The following IL1RAPL1 variants were observed in gnomAD, a reference collection of about 807,000 sequenced individuals.
IL1RAPL1 encodes the protein interleukin-1 receptor accessory protein-like 1.
In IL1RAPL1, 3 loss-of-function variants were observed where a neutral mutation model predicts 48.4. The ratio of observed to expected loss-of-function variants is 0.06; its 90% confidence interval spans 0.03 to 0.16. The LOEUF (loss-of-function observed/expected upper bound fraction) is 0.16, where lower values mean the gene tolerates loss of function less well. IL1RAPL1 is among the 10% of genes least tolerant of loss of function. The pLI is 1.00. For synonymous variants in IL1RAPL1, 185 were observed against 187.7 expected, an observed-to-expected ratio of 0.99 and a Z score of 0.12; for missense variants, 349 against 530.6, an observed-to-expected ratio of 0.66 and a Z score of 3.36.
chrX:29,696,790 T>C (rs1569148374), intron 6 of IL1RAPL1, among the ~76,000 whole-genome samples: 1 of 104,444 alleles, frequency 9.6e-6, no homozygotes, highest in Non-Finnish European at 2.0e-5. Context: ...AACAATCGCC[T>C]TTTTTTTTTT....
chrX:29,117,717 A>G (rs1471221518), intron 2 of IL1RAPL1, among the ~76,000 whole-genome samples: 1 of 111,688 alleles, frequency 9.0e-6, no homozygotes, highest in Non-Finnish European at 1.9e-5. Context: ...TTAATATAGC[A>G]TTTTATAACT....
intron 2 of IL1RAPL1, among the ~76,000 whole-genome samples, chrX:28,962,365 A>AT (rs1924802601): frequency 9.0e-6 from 1 of 111,390 alleles, no homozygotes; most frequent in African/African-American, 3.3e-5. Flanking sequence ...TGTTTAGCTT[A>AT]TTTTTCTGGC....
intron 1 of IL1RAPL1, among the ~76,000 whole-genome samples, chrX:28,595,184 C>A (rs916115328): frequency 8.9e-6 from 1 of 112,298 alleles, no homozygotes; most frequent in Admixed American, 9.5e-5. Context: ...ATAATGAAGA[C>A]AGTAATATTT....
chrX:28,953,377 AC>A (rs1402484556), intron 2 of IL1RAPL1, among the ~76,000 whole-genome samples: 2 of 111,675 alleles, frequency 1.8e-5, no homozygotes, highest in African/African-American at 6.5e-5. Context: ...CATTAAGATG[AC>A]CAAACCAGTA....
At chrX:29,455,402 G>C (rs765447443) in intron 5 of IL1RAPL1, among the ~76,000 whole-genome samples, 1 of 111,573 alleles carries the variant, frequency 9.0e-6, no homozygotes, top group African/African-American at 3.2e-5. Flanking sequence ...TTTTAAAAGA[G>C]GATTATTTTT....
intron 5 of IL1RAPL1, among the ~76,000 whole-genome samples, chrX:29,634,872 A>G (rs1461257629): frequency 1.8e-5 from 2 of 112,175 alleles, no homozygotes; most frequent in South Asian, 7.4e-4. Flanking sequence ...CTATTAGAAA[A>G]TAAAGGCTAT....
At chrX:29,327,291 A>G (rs1932849072) in intron 3 of IL1RAPL1, among the ~76,000 whole-genome samples, 1 of 110,628 alleles carries the variant, frequency 9.0e-6, no homozygotes, top group Non-Finnish European at 1.9e-5. Context: ...AATGAAACAT[A>G]TCACATAACC....
chrX:29,746,383 TA>T (rs1217372946), intron 6 of IL1RAPL1, among the ~76,000 whole-genome samples: 1 of 111,869 alleles, frequency 8.9e-6, no homozygotes, highest in Admixed American at 9.5e-5. Context: ...ATTTAATGAA[TA>T]ATTTTCTGAA....
chrX:29,474,789 C>T (rs1934956214), intron 5 of IL1RAPL1, among the ~76,000 whole-genome samples: 1 of 111,552 alleles, frequency 9.0e-6, no homozygotes, highest in Admixed American at 9.5e-5. Flanking sequence ...AATCATCTTT[C>T]AGCAGGCCCC....
chrX:29,457,082 C>T (rs767406051), intron 5 of IL1RAPL1, among the ~76,000 whole-genome samples: 1 of 109,771 alleles, frequency 9.1e-6, no homozygotes, highest in Non-Finnish European at 1.9e-5. Flanking sequence ...TGCAGTGAGC[C>T]GTGATTGCAC....
chrX:28,598,811 AGAGACGGG>A (rs201321623), intron 1 of IL1RAPL1, among the ~76,000 whole-genome samples: 1,548 of 108,967 alleles, frequency 0.014, 13 homozygotes, highest in South Asian at 0.042. Context: ...TATTTTTAGT[AGAGACGGG>A]GTTTCACCAT....
At chrX:28,845,797 G>C (rs1490641528) in intron 2 of IL1RAPL1, among the ~76,000 whole-genome samples, 2 of 111,630 alleles carry the variant, frequency 1.8e-5, no homozygotes, top group Non-Finnish European at 3.8e-5. Flanking sequence ...AGCAGTTTCA[G>C]GTTCCCAACA....
At chrX:28,805,857 ATGTATGTATATATATATATATCTTT>A (rs1186920875) in intron 2 of IL1RAPL1, among the ~76,000 whole-genome samples, 1 of 109,986 alleles carries the variant, frequency 9.1e-6, no homozygotes, top group Non-Finnish European at 1.9e-5. Flanking sequence ...GTATACATAT[ATGTATGTATATATATATATATCTTT>A]TGTAATCGCT....
intron 6 of IL1RAPL1, among the ~76,000 whole-genome samples, chrX:29,874,202 C>A (rs1601861093): frequency 9.0e-6 from 1 of 111,250 alleles, no homozygotes; most frequent in East Asian, 2.8e-4. Flanking sequence ...ATTCCCCATT[C>A]CAAACTTTAA....
At chrX:29,571,374 A>G (rs1922593424) in intron 5 of IL1RAPL1, among the ~76,000 whole-genome samples, 1 of 111,616 alleles carries the variant, frequency 9.0e-6, no homozygotes, top group Admixed American at 9.5e-5. Flanking sequence ...ATATAGAAGT[A>G]TAAACCTAAT....
chrX:28,741,391 T>C (rs1935904730), intron 1 of IL1RAPL1, among the ~76,000 whole-genome samples: 1 of 111,611 alleles, frequency 9.0e-6, no homozygotes, highest in African/African-American at 3.3e-5. Context: ...CTGAGGTTGT[T>C]TGATTTTTGC....
chrX:29,938,127 G>A (rs957201082), intron 8 of IL1RAPL1, among the ~76,000 whole-genome samples: 7 of 111,113 alleles, frequency 6.3e-5, no homozygotes, highest in Non-Finnish European at 1.3e-4. Context: ...TTCTTAAATG[G>A]CTCGTGACAT....
intron 2 of IL1RAPL1, among the ~76,000 whole-genome samples, chrX:28,919,257 TCTGA>T (rs997967293): frequency 2.7e-5 from 3 of 111,970 alleles, no homozygotes; most frequent in African/African-American, 9.7e-5. Flanking sequence ...GCATAATATA[TCTGA>T]CTGTGATCTG....
chrX:29,630,705 A>T (rs1257679033), intron 5 of IL1RAPL1, among the ~76,000 whole-genome samples: 1 of 110,132 alleles, frequency 9.1e-6, no homozygotes, highest in Non-Finnish European at 1.9e-5. Context: ...TGCCCAGCTA[A>T]TTTTTTGTAT....
Sources: gnomAD v4.1 joint callset for allele counts (sites outside exome capture counted in the v4.1 genomes callset) on GRCh38, gnomAD v4.1.1 for gene constraint, MANE v1.5 for transcripts, NCBI Gene and HGNC (gene_info 2026-07-23, HGNC 2026-07-21) for gene names.